The following CES5A variants were observed in gnomAD, a reference collection of about 807,000 sequenced individuals.
CES5A encodes the protein carboxylesterase 5A.
CES5A carries 67 observed loss-of-function variants against 62.9 expected under a neutral mutation model. The ratio of observed to expected loss-of-function variants is 1.07; its 90% CI spans 0.88 to 1.31. The LOEUF (loss-of-function observed/expected upper bound fraction) is 1.31, where lower values mean the gene tolerates loss of function less well. CES5A is among the 50% of genes most tolerant of loss of function. CES5A has a pLI of 0.00. For synonymous variants in CES5A, 296 were observed against 280.8 expected (o/e 1.05, Z -0.54); for missense variants, 748 against 708.5 (o/e 1.06, Z -0.63).
At chr16:55,859,456 C>A in intron 8 of CES5A, 91 bp downstream of exon 8, 1 of 1,312,796 alleles carries the variant, frequency 7.6e-7, no homozygotes. Context: ...ACTTACAATA[C>A]CTGATGTCTT....
At chr16:55,871,039 A>T (rs1301727051) in intron 3 of CES5A, among the ~76,000 whole-genome samples, 2 of 152,202 alleles carry the variant, frequency 1.3e-5, no homozygotes, top group African/African-American at 4.8e-5. Context: ...CATGGGAGTT[A>T]AATCAGATCA....
chr16:55,863,123 C>T (rs1333699938), intron 6 of CES5A, among the ~76,000 whole-genome samples: 1 of 152,180 alleles, frequency 6.6e-6, no homozygotes, highest in Non-Finnish European at 1.5e-5. Context: ...AACCATAACG[C>T]ACATACACAC....
chr16:55,916,277 A>G (rs1288535536), intron 1 of CES5A, among the ~76,000 whole-genome samples: 2 of 152,202 alleles, frequency 1.3e-5, no homozygotes, highest in Non-Finnish European at 2.9e-5. Context: ...TGACTCCTGG[A>G]ATAATGACTG....
intron 2 of CES5A, among the ~76,000 whole-genome samples, chr16:55,931,941 A>C (rs899257799): frequency 2.6e-5 from 4 of 152,188 alleles, no homozygotes; most frequent in Non-Finnish European, 5.9e-5. Context: ...ACTCATGTTG[A>C]AACCCAATCA....
rs2034363652 is a variant in CES5A at position 55,935,479 on chromosome 16, AT to A, written c.160+14305del. Among the ~76,000 whole-genome samples, 3 of 152,296 alleles carry A rather than the reference AT, an allele frequency of 2.0e-5. No individual in the cohort carries two copies. The South Asian group carries it at 6.2e-4, about 32-fold the overall frequency. ...GCCTCACTGACACAGCCAGAATAATATTTGGCCAAATATCTGGGCACCCCAT... is the reference window on the plus strand; with the variant it reads ...GCCTCACTGACACAGCCAGAATAATATTGGCCAAATATCTGGGCACCCCAT... On this transcript the variant is annotated intron_variant, in intron 2 of 13. Transcript: ENST00000521992.
chr16:55,889,371 G>A (rs2033850427), intron 1 of CES5A, among the ~76,000 whole-genome samples: 1 of 152,166 alleles, frequency 6.6e-6, no homozygotes, highest in African/African-American at 2.4e-5. Flanking sequence ...CCAGTTGCAA[G>A]TAGTAGGTTG....
At chr16:55,941,215 T>C (rs1430790381) in intron 2 of CES5A, among the ~76,000 whole-genome samples, 1 of 152,054 alleles carries the variant, frequency 6.6e-6, no homozygotes, top group Non-Finnish European at 1.5e-5. Context: ...AACCTTCTAT[T>C]TGTAGATGAC....
Position 55,866,959 on chromosome 16 carries a change from A to T in CES5A, c.552-843T>A, listed in dbSNP as rs561007571. On this transcript the variant is annotated intron_variant, in intron 4 of 12. Coordinates refer to ENST00000290567, the MANE Select transcript of CES5A (RefSeq NM_001143685.2). Reference sequence around the variant, plus strand: ...TACTCCTACAACCCTCACACCTATGAGGTAGGTGGTGCTGGGTTTTCTCCC... The same window carrying T: ...TACTCCTACAACCCTCACACCTATGTGGTAGGTGGTGCTGGGTTTTCTCCC... Among the ~76,000 whole-genome samples the T allele has an allele frequency of 6.4e-4, 97 of 152,234 alleles. 1 individual carries two copies. Among genetic ancestry groups the T allele is most frequent in the Non-Finnish European group, 1.1e-3 (78 of 67,994 alleles).
intron 5 of CES5A, among the ~76,000 whole-genome samples, 180 bp from the exon 6 acceptor site, chr16:55,863,632 C>A (rs1330138506): frequency 6.6e-6 from 1 of 152,194 alleles, no homozygotes; most frequent in Non-Finnish European, 1.5e-5. Context: ...AGTTACTCAA[C>A]CTCTCTGAGC....
At chr16:55,877,688 T>C (rs902789599), upstream of CES5A, among the ~76,000 whole-genome samples, 1 of 152,158 alleles carries the variant, frequency 6.6e-6, no homozygotes, top group Non-Finnish European at 1.5e-5. Context: ...AGACTTCATT[T>C]ATAGGATGCC....
rs149617240 is a variant in CES5A, at chr16:55,861,216, C to T, written c.915+196G>A. On this transcript the variant is annotated intron_variant, in intron 7 of 12. Coordinates refer to ENST00000290567, the MANE Select transcript of CES5A (RefSeq NM_001143685.2). ...TGAATCTTCTCCAGGCTAAGTTGAA[C>T]CCCTGCCCCAACAATTTTCTTAAAT... Among the ~76,000 whole-genome samples the T allele has an allele frequency of 4.4e-3, 676 of 152,334 alleles. 7 individuals carry two copies. The highest frequency in any genetic ancestry group is 0.015 in the African/African-American group (622 of 41,570).
At chr16:55,850,430 T>C (rs2033107946) in intron 10 of CES5A, among the ~76,000 whole-genome samples, 1 of 152,238 alleles carries the variant, frequency 6.6e-6, no homozygotes, top group Non-Finnish European at 1.5e-5. Flanking sequence ...TTTCTGTGTC[T>C]ATGGCTTTGC....
At chr16:55,873,695 C>T in intron 2 of CES5A, 138 bp downstream of exon 2, 2 of 769,604 alleles carry the variant, frequency 2.6e-6, no homozygotes, top group Non-Finnish European at 4.2e-6. Context: ...TACCAAACCA[C>T]TCGCCCGAGT....
chr16:55,866,711 G>T (rs549384995), intron 4 of CES5A, among the ~76,000 whole-genome samples: 1 of 148,506 alleles, frequency 6.7e-6, no homozygotes, highest in African/African-American at 2.5e-5. Context: ...GGTGGCAGGC[G>T]CCTGTAGTCC....
intron 4 of CES5A, among the ~76,000 whole-genome samples, chr16:55,866,816 C>A (rs750100407): frequency 2.6e-5 from 4 of 151,604 alleles, no homozygotes; most frequent in Non-Finnish European, 4.4e-5. Flanking sequence ...CCAGCCTGGG[C>A]AATAGAGTGA....
At chr16:55,874,272 G>C (rs1375846787) in intron 1 of CES5A, among the ~76,000 whole-genome samples, 1 of 152,180 alleles carries the variant, frequency 6.6e-6, no homozygotes, top group Non-Finnish European at 1.5e-5. Context: ...GCAGTACCTA[G>C]CAACAAAATT....
upstream of CES5A, among the ~76,000 whole-genome samples, chr16:55,925,790 C>A (rs1214341471): frequency 6.6e-6 from 1 of 151,890 alleles, no homozygotes; most frequent in Non-Finnish European, 1.5e-5. Context: ...TTAAATGGGA[C>A]TTAATCAAAC....
rs2033671780 is a variant in CES5A, at chr16:55,875,159, G to T, written c.63C>A (p.Ala21=). Residue 21 remains alanine, a synonymous_variant, in exon 1 of 13, where the codon GCC becomes GCA. Transcript: ENST00000290567. ...CATTGGATATCTCACCTTTGGTGGG[G>T]GCTGCAAGGACCCAGATAGCCCAAA... ...ILIWAIWVLA[A]PTKGPSAEGP... 1 of 1,614,100 alleles carries T rather than the reference G, an allele frequency of 6.2e-7. No individual in the cohort carries two copies. Among genetic ancestry groups the T allele is most frequent in the Non-Finnish European group, 8.5e-7 (1 of 1,179,988 alleles).
At chr16:55,921,849 G>T (rs1031098040) in intron 1 of CES5A, among the ~76,000 whole-genome samples, 23 of 151,944 alleles carry the variant, frequency 1.5e-4, no homozygotes, top group Non-Finnish European at 2.8e-4. Context: ...ATAAAAATAT[G>T]TAAGTTGAGA....
Sources: gnomAD v4.1 joint callset for allele counts (sites outside exome capture counted in the v4.1 genomes callset) on GRCh38, gnomAD v4.1.1 for gene constraint, MANE v1.5 for transcripts, NCBI Gene and HGNC (gene_info 2026-07-23, HGNC 2026-07-21) for gene names.